RBFOX1: variants seen among roughly 807,000 people sequenced by gnomAD.
RBFOX1 encodes RNA binding protein fox-1 homolog 1.
In RBFOX1, 8 loss-of-function variants were observed where a neutral mutation model predicts 57.7. The ratio of observed to expected loss-of-function variants is 0.14; its 90% CI spans 0.08 to 0.25. The LOEUF (loss-of-function observed/expected upper bound fraction) is 0.25. Ranked by LOEUF, RBFOX1 falls within the 10% of genes least tolerant of loss-of-function variation. RBFOX1 has a pLI of 1.00. For missense variants in RBFOX1, 611 were observed against 548.5 expected (o/e 1.11, Z -1.14); for synonymous variants, 326 against 222.4 (o/e 1.47, Z -4.15).
At chr16:6,186,067 C>T (rs1310470755) in intron 1 of RBFOX1, among the ~76,000 whole-genome samples, 6 of 152,202 alleles carry the variant, frequency 3.9e-5, no homozygotes, top group Admixed American at 6.5e-5. Context: ...GAGGATTGTC[C>T]AGAGGATTTG....
chr16:7,434,447 G>T (rs190593796), intron 4 of RBFOX1, among the ~76,000 whole-genome samples: 5 of 151,852 alleles, frequency 3.3e-5, no homozygotes, highest in East Asian at 3.9e-4. Flanking sequence ...ACTCCAGCCC[G>T]GGCGACAGAG....
chr16:6,256,233 G>GTATATA (rs1325348390), intron 1 of RBFOX1, among the ~76,000 whole-genome samples: 1 of 42,128 alleles, frequency 2.4e-5, no homozygotes, highest in South Asian at 7.5e-4. Context: ...ATATATATAT[G>GTATATA]TGTATATATA....
intron 2 of RBFOX1, among the ~76,000 whole-genome samples, chr16:6,396,940 G>T (rs998523071): frequency 6.6e-6 from 1 of 151,962 alleles, no homozygotes; most frequent in African/African-American, 2.4e-5. Context: ...TTACTATATG[G>T]GCTAAACAGG....
intron 2 of RBFOX1, among the ~76,000 whole-genome samples, chr16:6,482,397 C>G (rs1432694962): frequency 6.6e-6 from 1 of 152,192 alleles, no homozygotes; most frequent in East Asian, 1.9e-4. Context: ...TTTTTGGTCC[C>G]TACCAAAATC....
At chr16:7,140,118 A>C (rs1364188232) in intron 4 of RBFOX1, among the ~76,000 whole-genome samples, 2 of 138,658 alleles carry the variant, frequency 1.4e-5, no homozygotes, top group Non-Finnish European at 1.6e-5. Context: ...CTCTGCATGA[A>C]ACTAATTCAT....
intron 3 of RBFOX1, among the ~76,000 whole-genome samples, chr16:6,748,450 C>T (rs988677456): frequency 2.6e-5 from 4 of 152,060 alleles, no homozygotes; most frequent in African/African-American, 9.7e-5. Flanking sequence ...TGCATAAGCC[C>T]AGGAGTTCAA....
intron 2 of RBFOX1, among the ~76,000 whole-genome samples, chr16:6,344,388 C>CTTTT (rs1567979240): frequency 0.013 from 1,390 of 110,750 alleles, 23 homozygotes; most frequent in African/African-American, 0.061. Flanking sequence ...CTTCTCTCTT[C>CTTTT]TTCTTTTTTC....
intron 4 of RBFOX1, among the ~76,000 whole-genome samples, chr16:7,256,664 C>T (rs761018888): frequency 3.3e-5 from 5 of 152,172 alleles, no homozygotes; most frequent in Non-Finnish European, 5.9e-5. Flanking sequence ...AACTAAGAAT[C>T]CATTTCCACC....
chr16:5,846,976 C>T (rs1027994013), intron 3 of RBFOX1, among the ~76,000 whole-genome samples: 1 of 152,134 alleles, frequency 6.6e-6, no homozygotes, highest in Non-Finnish European at 1.5e-5. Context: ...GACAGATGGC[C>T]ATCAGTCTGT....
intron 2 of RBFOX1, among the ~76,000 whole-genome samples, chr16:5,501,034 G>C (rs969355807): frequency 6.6e-6 from 1 of 152,048 alleles, no homozygotes; most frequent in African/African-American, 2.4e-5. Flanking sequence ...AAGAAAACAC[G>C]GCCAGGCGCG....
rs139757539 is a variant in RBFOX1, at chr16:6,458,517, A to T, written c.-64+141460A>T. Among the ~76,000 whole-genome samples the T allele has an allele frequency of 1.5e-3, 226 of 152,342 alleles. 1 individual carries two copies. Among genetic ancestry groups the T allele is most frequent in the African/African-American group, 5.2e-3 (217 of 41,576 alleles). On this transcript the variant is annotated intron_variant, in intron 2 of 15. Coordinates refer to ENST00000550418, the MANE Select transcript of RBFOX1 (RefSeq NM_018723.4). ...TAAATAAGTTGCTTATTATTCTCAC[A>T]TCTTCATCACAGTAAACAACTTGGA...
At chr16:6,208,727 A>T (rs529110660) in intron 1 of RBFOX1, among the ~76,000 whole-genome samples, 8 of 152,322 alleles carry the variant, frequency 5.3e-5, no homozygotes, top group East Asian at 3.9e-4. Context: ...TTTAAAAAAA[A>T]ATATGCATTT....
At chr16:5,526,769 A>C (rs2044265866) in intron 2 of RBFOX1, among the ~76,000 whole-genome samples, 1 of 152,084 alleles carries the variant, frequency 6.6e-6, no homozygotes, top group African/African-American at 2.4e-5. Context: ...TACGTGACCT[A>C]CTGCCTGGCA....
At chr16:6,150,659 T>C (rs1034796472) in intron 1 of RBFOX1, among the ~76,000 whole-genome samples, 3 of 152,166 alleles carry the variant, frequency 2.0e-5, no homozygotes, top group Admixed American at 6.5e-5. Context: ...ACGGAAATTA[T>C]CTCATTGCTG....
At chr16:7,237,497 T>A (rs1289291110) in intron 4 of RBFOX1, among the ~76,000 whole-genome samples, 1 of 152,228 alleles carries the variant, frequency 6.6e-6, no homozygotes, top group Admixed American at 6.5e-5. Flanking sequence ...TCTACATATC[T>A]CATTAGCCTG....
In RBFOX1 at chr16:7,518,294, C is replaced by A; in HGVS notation, c.175C>A (p.Pro59Thr). 3 of 1,614,158 alleles carry A rather than the reference C, an allele frequency of 1.9e-6. No individual in the cohort carries two copies. The highest frequency in any genetic ancestry group is 1.3e-5 in the African/African-American group (1 of 75,058). ...AGAGTACACAGGCCAGACCACGGTT[C>A]CCGAGCACACATTAAACCTGTACCC... ...APEYTGQTTVPEHTLNLYPPA... is the reference protein window; with the variant it reads ...APEYTGQTTVTEHTLNLYPPA... Residue 59 changes from proline to threonine, a missense_variant, in exon 5 of 16, where the codon CCC becomes ACC. By Grantham distance (38) the Pro-to-Thr change is conservative (BLOSUM62 -1). Around this residue, in one of 3 missense-constraint regions of RBFOX1, gnomAD observed 245 missense variants for 159.1 expected, o/e 1.54. Coordinates refer to ENST00000550418, the MANE Select transcript of RBFOX1 (RefSeq NM_018723.4).
intron 1 of RBFOX1, among the ~76,000 whole-genome samples, chr16:5,291,262 T>C (rs2063527510): frequency 5.6e-5 from 1 of 17,750 alleles, no homozygotes; most frequent in Admixed American, 4.3e-4. Context: ...TTATCATTGG[T>C]TTTTTTTTTT....
chr16:6,083,873 A>G (rs2096047729), intron 1 of RBFOX1, among the ~76,000 whole-genome samples: 1 of 152,152 alleles, frequency 6.6e-6, no homozygotes, highest in Admixed American at 6.6e-5. Flanking sequence ...ATCTTTAAGC[A>G]GAAGAATTGG....
chr16:5,505,767 A>G (rs2043356830), intron 2 of RBFOX1, among the ~76,000 whole-genome samples: 1 of 152,200 alleles, frequency 6.6e-6, no homozygotes, highest in African/African-American at 2.4e-5. Context: ...TGTGAAGTCC[A>G]TGGCTTTTGG....
Sources: allele counts gnomAD v4.1 joint callset (sites outside exome capture counted in the v4.1 genomes callset), GRCh38; gene constraint gnomAD v4.1.1; regional missense constraint gnomAD v4.1.1; transcripts MANE v1.5; gene names NCBI Gene and HGNC (gene_info 2026-07-23, HGNC 2026-07-21).